Variants in KNG1 observed in about 807,000 individuals in gnomAD.
The protein encoded by KNG1 is kininogen-1.
In KNG1, 23 loss-of-function variants were observed where a neutral mutation model predicts 47.8. The observed-to-expected ratio is 0.48, with a 90% CI of 0.35 to 0.68. The LOEUF is 0.68. Among genes scored for constraint, KNG1 ranks in the 30% least tolerant of loss-of-function variants. The pLI is 0.01. For missense variants in KNG1, 762 were observed against 790.2 expected (o/e 0.96, Z 0.43); for synonymous variants, 277 against 277.0 (o/e 1.00, Z 0.00).
Position 186,742,125 on chromosome 3 carries a change from T to C in KNG1, c.1729T>C (p.Ser577Pro). 6.2e-7 allele frequency: 1 copy of C among 1,614,132 alleles called. No homozygotes were observed. Among genetic ancestry groups the C allele is most frequent in the Non-Finnish European group, 8.5e-7 (1 of 1,180,006 alleles). ...DLIATMMPPI[S>P]PAPIQSDDDW... is the part of the protein sequence containing the mutation. ...CATTGCAACTATGATGCCTCCTATATCACCAGCTCCCATACAGAGTGATGA... is the reference window on the plus strand; with the variant it reads ...CATTGCAACTATGATGCCTCCTATACCACCAGCTCCCATACAGAGTGATGA... The change falls in exon 10 of 10, where the codon TCA (serine) becomes CCA (proline). Residue 577 changes from serine to proline, a missense_variant. Coordinates refer to ENST00000644859, the MANE Select transcript of KNG1 (RefSeq NM_001102416.3).
intron 1 of KNG1, 102 bp downstream of exon 1, chr3:186,717,839 A>G: frequency 1.4e-6 from 1 of 705,366 alleles, no homozygotes. Context: ...AGCACCCACC[A>G]CCACCACCCA....
chr3:186,742,248 C>A lies in KNG1; in HGVS notation c.1852C>A (p.Pro618Thr), dbSNP rs1330568662. 1 of 1,614,142 alleles carries A rather than the reference C, an allele frequency of 6.2e-7. No individual in the cohort carries two copies. Among genetic ancestry groups the A allele is most frequent in the African/African-American group, 1.3e-5 (1 of 75,008 alleles). The change falls in exon 10 of 10, where the codon CCC becomes ACC. Residue 618 changes from proline (P) to threonine (T), a missense_variant. Physicochemically the swap from Pro to Thr is conservative, Grantham distance 38 (BLOSUM62 -1). Coordinates refer to ENST00000644859, the MANE Select transcript of KNG1 (RefSeq NM_001102416.3). ...DTTSPKCPGRPWKSVSEINPT... is the reference protein window; with the variant it reads ...DTTSPKCPGRTWKSVSEINPT... ...GACCTCCCCAAAATGTCCTGGACGC[C>A]CCTGGAAGTCAGTTAGTGAAATTAA... is the stretch of plus-strand genomic sequence containing the variant.
intron 9 of KNG1, 27 bp from the exon 10 acceptor site, chr3:186,741,495 A>G: frequency 6.3e-7 from 1 of 1,597,002 alleles, no homozygotes; most frequent in Non-Finnish European, 8.5e-7. Context: ...TTGCAGTAAT[A>G]CATTCATCTT....
chr3:186,742,634 T>C lies in KNG1; in HGVS notation c.*303T>C, dbSNP rs1317699302. 3.3e-6 allele frequency: 4 copies of C among 1,207,062 alleles called. No individual in the cohort carries two copies. Among genetic ancestry groups the C allele is most frequent in the East Asian group, 4.6e-5 (1 of 21,778 alleles). The allele number at this position is 1,207,062 out of a possible 1,614,324, so 74.8% of individuals were successfully genotyped here. ...CAATTGGCTTCTCTGATAACAAATATGTACCTTACAACATATGTCATGAAT... is the reference window on the plus strand; with the variant it reads ...CAATTGGCTTCTCTGATAACAAATACGTACCTTACAACATATGTCATGAAT... On this transcript the variant is annotated 3_prime_UTR_variant, in exon 10 of 10. Transcript: ENST00000644859.
intron 9 of KNG1, among the ~76,000 whole-genome samples, chr3:186,740,184 T>C (rs1720772727): frequency 6.6e-6 from 1 of 152,220 alleles, no homozygotes; most frequent in Non-Finnish European, 1.5e-5. Flanking sequence ...TCTTTCTTTT[T>C]TAAGTCTTAA....
At chr3:186,741,476 G>C in intron 9 of KNG1, 46 bp from the exon 10 acceptor site, 1 of 1,557,364 alleles carries the variant, frequency 6.4e-7, no homozygotes. Flanking sequence ...ATCATCAATA[G>C]CATGATTTTT....
rs1167537831 is a variant in KNG1 at position 186,720,784 on chromosome 3, C to CTTTTTTTTTT, written c.306+583_306+592dup. ...CACACCATAGCTGGTTGTTGTTTTG[C>CTTTTTTTTTT]TTTTTTTTTTTTTTTTTTTTTTTGA... On this transcript the variant is annotated intron_variant, in intron 2 of 9. Coordinates refer to ENST00000644859, the MANE Select transcript of KNG1 (RefSeq NM_001102416.3). Among the ~76,000 whole-genome samples the CTTTTTTTTTT allele has an allele frequency of 2.5e-4, 22 of 89,752 alleles. 2 individuals carry two copies. The highest frequency in any genetic ancestry group is 6.4e-4 in the African/African-American group (14 of 21,770). The allele number at this position is 89,752 out of a possible 152,430, so 58.9% of individuals were successfully genotyped here. A position where few individuals can be genotyped will look rare whatever the true frequency, so the allele number is the denominator to read the frequency against.
chr3:186,731,254 A>G (rs937465029), intron 5 of KNG1, among the ~76,000 whole-genome samples: 1 of 152,122 alleles, frequency 6.6e-6, no homozygotes, highest in Non-Finnish European at 1.5e-5. Flanking sequence ...AACAGTGTGA[A>G]AGTCTTACCT....
intron 3 of KNG1, among the ~76,000 whole-genome samples, chr3:186,723,858 TGGCCA>T (rs1350452717): frequency 2.0e-5 from 3 of 152,158 alleles, no homozygotes; most frequent in Non-Finnish European, 4.4e-5. Flanking sequence ...TTCACCATGT[TGGCCA>T]GGCTGGTCTC....
Position 186,741,856 on chromosome 3 carries a change from G to T in KNG1, c.1460G>T (p.Gly487Val). ...CTTGATGATGATCTTGAACACCAAGGGGGCCATGTCCTTGACCATGGACAT... is the reference window on the plus strand; with the variant it reads ...CTTGATGATGATCTTGAACACCAAGTGGGCCATGTCCTTGACCATGGACAT... ...FKLDDDLEHQGGHVLDHGHKH... is the reference protein window; with the variant it reads ...FKLDDDLEHQVGHVLDHGHKH... Residue 487 changes from glycine to valine, a missense_variant, in exon 10 of 10, where the codon GGG becomes GTG. Coordinates refer to ENST00000644859, the MANE Select transcript of KNG1 (RefSeq NM_001102416.3). 1.2e-6 allele frequency: 2 copies of T among 1,613,766 alleles called. No homozygotes were observed. Among genetic ancestry groups the T allele is most frequent in the Non-Finnish European group, 1.7e-6 (2 of 1,179,770 alleles).
rs747782274 is a variant in KNG1, at chr3:186,732,572, A to G, written c.828A>G (p.Pro276=). 1.2e-6 allele frequency: 2 copies of G among 1,614,134 alleles called. No homozygotes were observed. The highest frequency in any genetic ancestry group is 1.1e-5 in the South Asian group (1 of 91,082). ...CCAGAGATATACCCACCAACAGCCC[A>G]GAGCTGGAGGAGACACTGACTCACA... ...GCPRDIPTNS[P]ELEETLTHTI... Residue 276 remains proline (P), a synonymous_variant, in exon 7 of 10, where the codon CCA becomes CCG. Coordinates refer to ENST00000644859, the MANE Select transcript of KNG1 (RefSeq NM_001102416.3).
chr3:186,727,089 A>AT (rs1303963582), intron 4 of KNG1, 148 bp from the exon 5 acceptor site: 4 of 645,804 alleles, frequency 6.2e-6, no homozygotes, highest in Admixed American at 2.3e-5. Context: ...TTTATTCAGC[A>AT]TTTTTTTGCC....
In KNG1 at chr3:186,722,469, G is replaced by C; in HGVS notation, c.339G>C (p.Lys113Asn). 1 of 1,614,108 alleles carries C rather than the reference G, an allele frequency of 6.2e-7. No homozygotes were observed. The highest frequency in any genetic ancestry group is 8.5e-7 in the Non-Finnish European group (1 of 1,179,968). ...ATGECTATVG[K>N]RSSTKFSVAT... ...GAGAATGCACGGCAACCGTGGGGAAGAGGAGCAGTACGAAATTCTCCGTGG... is the reference window on the plus strand; with the variant it reads ...GAGAATGCACGGCAACCGTGGGGAACAGGAGCAGTACGAAATTCTCCGTGG... The change falls in exon 3 of 10, where the codon AAG becomes AAC. Residue 113 changes from lysine to asparagine, a missense_variant. Coordinates refer to ENST00000644859, the MANE Select transcript of KNG1 (RefSeq NM_001102416.3).
intron 2 of KNG1, 69 bp downstream of exon 2, chr3:186,720,284 C>A: frequency 1.1e-6 from 1 of 943,304 alleles, no homozygotes; most frequent in Non-Finnish European, 1.7e-6. Context: ...TTTACTGATG[C>A]AGAAATGATG....
At chr3:186,720,627 C>G (rs1234162283) in intron 2 of KNG1, 2 of 289,938 alleles carry the variant, frequency 6.9e-6, no homozygotes. Context: ...CCTCTCAGAA[C>G]TGGCACTTTC....
rs3190568 is a variant in KNG1, at chr3:186,741,595, C to A, written c.1199C>A (p.Thr400Lys). 897 of 1,609,924 alleles carry A rather than the reference C, an allele frequency of 5.6e-4. 2 individuals carry two copies. Among genetic ancestry groups the A allele is most frequent in the Middle Eastern group, 2.3e-3 (14 of 6,046 alleles). Residue 400 changes from threonine to lysine, a missense_variant, in exon 10 of 10, where the codon ACA becomes AAA. Coordinates refer to ENST00000644859, the MANE Select transcript of KNG1 (RefSeq NM_001102416.3). ...SSRIGEIKEE[T>K]TVSPPHTSMA... ...CGAATAGGGGAAATAAAAGAAGAAACAACTGTAAGTCCACCCCACACTTCC... is the reference window on the plus strand; with the variant it reads ...CGAATAGGGGAAATAAAAGAAGAAAAAACTGTAAGTCCACCCCACACTTCC...
chr3:186,730,632 G>A (rs1234767570), intron 5 of KNG1, among the ~76,000 whole-genome samples: 1 of 130,190 alleles, frequency 7.7e-6, no homozygotes, highest in African/African-American at 2.9e-5. Context: ...CTCCAGCCTT[G>A]GCGACAAAGA....
At position 186,739,408 on chromosome 3, in the gene KNG1, G is replaced by C; in HGVS notation, c.1119G>C (p.Leu373=). 1.9e-6 allele frequency: 3 copies of C among 1,602,012 alleles called. No homozygotes were observed. The highest frequency in any genetic ancestry group is 2.6e-6 in the Non-Finnish European group (3 of 1,168,968). ...ACCCTACTGTCAACTGTCAACCACT[G>C]GGAATGGTATGATTCTAATTACAGT... ...KIYPTVNCQP[L]GMISLMKRPP... is the part of the protein sequence containing the mutation. The change falls in exon 9 of 10, where the codon CTG becomes CTC. Residue 373 remains leucine (L), a synonymous_variant. Transcript: ENST00000644859.
chr3:186,729,695 T>C (rs1240163016), intron 5 of KNG1, among the ~76,000 whole-genome samples: 1 of 148,266 alleles, frequency 6.7e-6, no homozygotes, highest in African/African-American at 2.5e-5. Context: ...TTTTTGAGAC[T>C]GAGTTTTGGT....
Sources: gnomAD v4.1 joint callset for allele counts (sites outside exome capture counted in the v4.1 genomes callset) on GRCh38, gnomAD v4.1.1 for gene constraint, MANE v1.5 for transcripts, NCBI Gene and HGNC (gene_info 2026-07-23, HGNC 2026-07-21) for gene names.